Variants in RIMS1 observed in about 807,000 individuals in gnomAD.
The protein encoded by RIMS1 is regulating synaptic membrane exocytosis protein 1.
In RIMS1, 83 loss-of-function variants were observed where a neutral mutation model predicts 214.1. The observed-to-expected ratio is 0.39, with a 90% CI of 0.32 to 0.47. The LOEUF (loss-of-function observed/expected upper bound fraction) is 0.47, where lower values mean the gene tolerates loss of function less well. Among genes scored for constraint, RIMS1 ranks in the 20% least tolerant of loss-of-function variants. The probability of loss-of-function intolerance (pLI) is 0.99; values close to 1 mark genes in which losing one functional copy is unlikely to be tolerated. For missense variants in RIMS1, 2,050 were observed against 2,161.8 expected (o/e 0.95, Z 1.03); for synonymous variants, 793 against 786.8 (o/e 1.01, Z -0.13).
intron 2 of RIMS1, among the ~76,000 whole-genome samples, chr6:72,006,281 G>A (rs1405354401): frequency 6.6e-6 from 1 of 152,146 alleles, no homozygotes; most frequent in African/African-American, 2.4e-5. Context: ...TCATTCCGTT[G>A]CAACTTAGTT....
intron 7 of RIMS1, among the ~76,000 whole-genome samples, chr6:72,234,348 A>G (rs1287151066): frequency 6.6e-6 from 1 of 151,942 alleles, no homozygotes; most frequent in Non-Finnish European, 1.5e-5. Flanking sequence ...GCAACCAATA[A>G]CTTGTGTCTA....
Position 72,182,588 on chromosome 6 carries a change from C to G in RIMS1, c.1117C>G (p.Gln373Glu). 4.5e-6 allele frequency: 7 copies of G among 1,549,054 alleles called. No individual in the cohort carries two copies. Among genetic ancestry groups the G allele is most frequent in the Non-Finnish European group, 6.1e-6 (7 of 1,147,036 alleles). ...RYPVKPPPEE[Q>E]QMRMHARVSR... ...CCCGGTGAAACCGCCGCCTGAGGAG[C>G]AGCAGATGCGCATGCACGCCCGGGT... The change falls in exon 6 of 34, where the codon CAG becomes GAG. Residue 373 changes from glutamine to glutamate, a missense_variant. By Grantham distance (29) the Gln-to-Glu change is conservative (BLOSUM62 2). Around this residue, in one of 6 missense-constraint regions of RIMS1, gnomAD observed 882 missense variants for 828.9 expected, o/e 1.06. Coordinates refer to ENST00000521978, the MANE Select transcript of RIMS1 (RefSeq NM_014989.7).
intron 6 of RIMS1, among the ~76,000 whole-genome samples, chr6:72,190,355 C>T (rs992988134): frequency 5.9e-5 from 9 of 151,416 alleles, no homozygotes; most frequent in African/African-American, 1.9e-4. Context: ...CCCAGCTACT[C>T]GGGAGGCTGA....
chr6:72,005,283 A>G (rs983099219), intron 2 of RIMS1, among the ~76,000 whole-genome samples: 1 of 152,162 alleles, frequency 6.6e-6, no homozygotes, highest in African/African-American at 2.4e-5. Flanking sequence ...GCCTTGTAGT[A>G]TAATTTGAAG....
intron 2 of RIMS1, among the ~76,000 whole-genome samples, chr6:72,074,144 C>T (rs1055346803): frequency 6.6e-5 from 10 of 152,214 alleles, no homozygotes; most frequent in Admixed American, 3.3e-4. Context: ...AGGACACATT[C>T]TCTGACCCAC....
chr6:72,282,586 T>G (rs2090677886), intron 23 of RIMS1, among the ~76,000 whole-genome samples: 1 of 148,782 alleles, frequency 6.7e-6, no homozygotes, highest in Non-Finnish European at 1.5e-5. Flanking sequence ...TGCTGTATAG[T>G]ATAGAACAGA....
Position 71,886,920 on chromosome 6 carries a change from C to G in RIMS1, c.-104C>G. ...CCGCTGCTCCTCCTCCTGCCGCCGC[C>G]GCTAGGGCTCCGCTGTGAGGGGGAA... On this transcript the variant is annotated 5_prime_UTR_variant, in exon 1 of 34. Coordinates refer to ENST00000521978, the MANE Select transcript of RIMS1 (RefSeq NM_014989.7). 7.2e-7 allele frequency: 1 copy of G among 1,383,652 alleles called. No individual in the cohort carries two copies. The highest frequency in any genetic ancestry group is 1.3e-5 in the South Asian group (1 of 74,658). 85.7% of individuals were successfully genotyped at this position (1,383,652 alleles called of 1,614,324 possible).
At chr6:72,108,620 T>A (rs1397933450) in intron 4 of RIMS1, among the ~76,000 whole-genome samples, 1 of 152,116 alleles carries the variant, frequency 6.6e-6, no homozygotes, top group African/African-American at 2.4e-5. Context: ...GTATCTCATT[T>A]TTCCCAATCT....
intron 2 of RIMS1, among the ~76,000 whole-genome samples, chr6:72,070,230 G>A (rs566438297): frequency 1.1e-4 from 17 of 152,164 alleles, no homozygotes; most frequent in Admixed American, 1.1e-3. Context: ...GAGGTCATTT[G>A]AAATGTGTCG....
chr6:72,254,842 T>C (rs977283967), intron 16 of RIMS1, among the ~76,000 whole-genome samples: 8 of 152,172 alleles, frequency 5.3e-5, no homozygotes, highest in African/African-American at 1.9e-4. Context: ...TACTGAAATA[T>C]ACCATGTCCC....
chr6:72,331,387 T>G (rs975120814), intron 28 of RIMS1, among the ~76,000 whole-genome samples: 6 of 151,786 alleles, frequency 4.0e-5, no homozygotes, highest in African/African-American at 1.4e-4. Flanking sequence ...CAATAACCAT[T>G]GTGGAGAGTG....
intron 4 of RIMS1, among the ~76,000 whole-genome samples, chr6:72,152,805 A>G (rs1279529787): frequency 2.4e-5 from 2 of 85,098 alleles, no homozygotes; most frequent in African/African-American, 1.2e-4. Flanking sequence ...ATATGTATAT[A>G]TATGTATATA....
chr6:72,145,724 C>G (rs1029799115), intron 4 of RIMS1, among the ~76,000 whole-genome samples: 15 of 152,208 alleles, frequency 9.9e-5, no homozygotes, highest in African/African-American at 3.6e-4. Context: ...CTTTTATTGG[C>G]TCTGCAAGTC....
intron 2 of RIMS1, among the ~76,000 whole-genome samples, chr6:72,052,070 A>G (rs1341830951): frequency 1.3e-5 from 2 of 152,236 alleles, no homozygotes; most frequent in Non-Finnish European, 2.9e-5. Flanking sequence ...AAAGCTATTT[A>G]TTGTAAAGAT....
At chr6:72,258,430 T>TATC in intron 17 of RIMS1, 149 bp downstream of exon 17, 2 of 798,960 alleles carry the variant, frequency 2.5e-6, no homozygotes, top group Non-Finnish European at 3.8e-6. Context: ...TTTTATTCTT[T>TATC]ATCCAACCTA....
chr6:72,195,884 C>T (rs1325422167), intron 6 of RIMS1, among the ~76,000 whole-genome samples: 2 of 151,954 alleles, frequency 1.3e-5, no homozygotes, highest in African/African-American at 2.4e-5. Context: ...GGAAGAGGCA[C>T]GTCTTACATG....
intron 4 of RIMS1, among the ~76,000 whole-genome samples, chr6:72,165,307 G>T (rs940087780): frequency 3.3e-5 from 5 of 152,030 alleles, no homozygotes; most frequent in African/African-American, 4.8e-5. Flanking sequence ...TTTAGTTCTA[G>T]AATTTTCATT....
Position 72,148,671 on chromosome 6 carries a change from A to C in RIMS1, c.472-30904A>C, listed in dbSNP as rs151250206. ...TTATGCTTAACTATGTTGTGCCCCT[A>C]GACTTGTGCTGTCACTAACCTTTGG... On this transcript the variant is annotated intron_variant, in intron 4 of 33. Coordinates refer to ENST00000521978, the MANE Select transcript of RIMS1 (RefSeq NM_014989.7). The C allele has an allele frequency of 4.5e-4, 204 of 454,602 alleles. 2 individuals carry two copies. Among genetic ancestry groups the C allele is most frequent in the African/African-American group, 3.7e-3 (183 of 49,632 alleles). The allele number at this position is 454,602 out of a possible 1,614,324, so 28.2% of individuals were successfully genotyped here. A position where few individuals can be genotyped will look rare whatever the true frequency, so the allele number is the denominator to read the frequency against.
intron 29 of RIMS1, among the ~76,000 whole-genome samples, chr6:72,357,248 T>G (rs1308438843): frequency 1.3e-5 from 2 of 152,172 alleles, no homozygotes; most frequent in Non-Finnish European, 2.9e-5. Flanking sequence ...CTAGGTTCAG[T>G]TGGAGGGTGA....
Sources: gnomAD v4.1 joint callset for allele counts (sites outside exome capture counted in the v4.1 genomes callset) on GRCh38, gnomAD v4.1.1 for gene constraint, gnomAD v4.1.1 regional missense constraint, MANE v1.5 for transcripts, NCBI Gene and HGNC (gene_info 2026-07-23, HGNC 2026-07-21) for gene names.